Variants in LNX1 observed in about 807,000 individuals in gnomAD.
The protein encoded by LNX1 is ligand of numb-protein X 1, also known as E3 ubiquitin-protein ligase LNX.
In LNX1, 54 loss-of-function variants were observed where a neutral mutation model predicts 68.4. That is an observed-to-expected ratio of 0.79 (90% CI 0.63 to 0.99). LNX1 has a LOEUF of 0.99. LNX1 is among the 50% of genes least tolerant of loss of function. The pLI is 0.00. For synonymous variants in LNX1, 336 were observed against 350.0 expected (o/e 0.96, Z 0.45); for missense variants, 906 against 926.4 (o/e 0.98, Z 0.29).
chr4:53,628,025 C>T (rs1274734843), intron 1 of LNX1, among the ~76,000 whole-genome samples: 2 of 152,160 alleles, frequency 1.3e-5, no homozygotes, highest in Non-Finnish European at 2.9e-5. Flanking sequence ...TTACAACACT[C>T]CAACTTGAAG....
chr4:53,507,489 G>C lies in LNX1; in HGVS notation c.623-20C>G, dbSNP rs1279820880. 6.2e-7 allele frequency: 1 copy of C among 1,610,658 alleles called. No individual in the cohort carries two copies. The highest frequency in any genetic ancestry group is 1.3e-5 in the African/African-American group (1 of 74,822). On this transcript the variant is annotated intron_variant, in intron 3 of 10. Coordinates refer to ENST00000263925, the MANE Select transcript of LNX1 (RefSeq NM_001126328.3). ...GCCGTGCTGAGGAATAGCGACAGGA[G>C]GAACAGTAGTTATGATTTAATAGAA...
intron 1 of LNX1, among the ~76,000 whole-genome samples, chr4:53,637,303 A>G (rs900604739): frequency 1.3e-5 from 2 of 152,076 alleles, no homozygotes; most frequent in African/African-American, 4.8e-5. Flanking sequence ...TTCCAATGAC[A>G]CAAGATTTTA....
At chr4:53,533,748 A>C (rs536081101) in intron 2 of LNX1, among the ~76,000 whole-genome samples, 1 of 152,272 alleles carries the variant, frequency 6.6e-6, no homozygotes, top group South Asian at 2.1e-4. Context: ...CCTGGCATGT[A>C]GGGGGTAGAG....
At chr4:53,545,926 A>T (rs1577691920) in intron 2 of LNX1, among the ~76,000 whole-genome samples, 1 of 150,940 alleles carries the variant, frequency 6.6e-6, no homozygotes, top group Non-Finnish European at 1.5e-5. Flanking sequence ...TCCCGCCTCA[A>T]CCTCCTGAGT....
intron 4 of LNX1, among the ~76,000 whole-genome samples, chr4:53,504,057 C>T (rs866798379): frequency 2.6e-5 from 4 of 152,206 alleles, no homozygotes; most frequent in Admixed American, 6.5e-5. Context: ...ATCACTTGAA[C>T]CCAGGAGGCA....
At chr4:53,630,249 C>T (rs1221836203) in intron 1 of LNX1, among the ~76,000 whole-genome samples, 5 of 152,022 alleles carry the variant, frequency 3.3e-5, no homozygotes, top group East Asian at 1.9e-4. Context: ...TTTATACAGT[C>T]GAGCCTATTA....
At chr4:53,482,032 C>T (rs1467138323) in intron 6 of LNX1, among the ~76,000 whole-genome samples, 178 bp from the exon 7 acceptor site, 6 of 152,210 alleles carry the variant, frequency 3.9e-5, no homozygotes, top group Non-Finnish European at 7.3e-5. Flanking sequence ...CATGAGAGCT[C>T]TTTCCTTTAT....
At chr4:53,499,950 T>C (rs1237131756) in intron 4 of LNX1, 2 of 152,202 alleles carry the variant, frequency 1.3e-5, no homozygotes. Flanking sequence ...CCAAGAAATC[T>C]CTCCTAGCTC....
chr4:53,593,906 G>C (rs565948240), upstream of LNX1: 3 of 152,118 alleles, frequency 2.0e-5, no homozygotes, highest in African/African-American at 7.2e-5. Flanking sequence ...ATCGGCAAGC[G>C]GCAGAGCAGT....
intron 6 of LNX1, 84 bp downstream of exon 6, chr4:53,495,939 A>G: frequency 6.7e-7 from 1 of 1,494,940 alleles, no homozygotes; most frequent in Non-Finnish European, 9.1e-7. Flanking sequence ...TGTGGTAGTG[A>G]CAGGGTGCCT....
chr4:53,462,616 G>A (rs1722249675), intron 9 of LNX1, among the ~76,000 whole-genome samples: 1 of 152,040 alleles, frequency 6.6e-6, no homozygotes, highest in Non-Finnish European at 1.5e-5. Context: ...TACCAACCTT[G>A]TTAGTCAATG....
intron 6 of LNX1, among the ~76,000 whole-genome samples, chr4:53,492,093 A>G (rs1232666074): frequency 1.3e-5 from 2 of 152,144 alleles, no homozygotes; most frequent in African/African-American, 2.4e-5. Flanking sequence ...GGCTGAGGAT[A>G]TAATACTTTA....
chr4:53,543,153 G>A (rs1014023551), intron 2 of LNX1, among the ~76,000 whole-genome samples: 4 of 152,196 alleles, frequency 2.6e-5, no homozygotes, highest in Admixed American at 6.5e-5. Flanking sequence ...GAGCCACCAC[G>A]TCTGTCCTGT....
At chr4:53,523,478 AG>A (rs1460356934) in intron 2 of LNX1, among the ~76,000 whole-genome samples, 1 of 152,030 alleles carries the variant, frequency 6.6e-6, no homozygotes, top group East Asian at 1.9e-4. Flanking sequence ...GTAGAGATGA[AG>A]TTTTGCCATG....
At chr4:53,487,323 T>C (rs1724376646) in intron 6 of LNX1, among the ~76,000 whole-genome samples, 1 of 152,224 alleles carries the variant, frequency 6.6e-6, no homozygotes, top group South Asian at 2.1e-4. Flanking sequence ...GCCAAAGGCT[T>C]CACCTGCTCA....
intron 2 of LNX1, among the ~76,000 whole-genome samples, chr4:53,538,005 G>C (rs1455207336): frequency 1.3e-5 from 2 of 152,306 alleles, no homozygotes; most frequent in African/African-American, 4.8e-5. Flanking sequence ...TAATTATTCT[G>C]TCTCATTCTG....
intron 1 of LNX1, chr4:53,575,853 G>T (rs981500288): frequency 6.3e-7 from 1 of 1,590,534 alleles, no homozygotes; most frequent in South Asian, 1.1e-5. Flanking sequence ...ACAGGAGCAT[G>T]TTTAGAAAGT....
chr4:53,640,598 G>A (rs1340316777), intron 1 of LNX1, among the ~76,000 whole-genome samples: 1 of 152,158 alleles, frequency 6.6e-6, no homozygotes, highest in Admixed American at 6.5e-5. Context: ...GCAATAAAGA[G>A]CCACCAGTTG....
chr4:53,490,705 C>T (rs759392243), intron 6 of LNX1, among the ~76,000 whole-genome samples: 8 of 152,118 alleles, frequency 5.3e-5, no homozygotes, highest in Admixed American at 2.0e-4. Context: ...ATGTGATTCA[C>T]GGAGTAGACA....
Sources: allele counts gnomAD v4.1 joint callset (sites outside exome capture counted in the v4.1 genomes callset), GRCh38; gene constraint gnomAD v4.1.1; transcripts MANE v1.5; gene names NCBI Gene and HGNC (gene_info 2026-07-23, HGNC 2026-07-21).